Variants in MKLN1 observed in about 807,000 individuals in gnomAD.
The protein encoded by MKLN1 is muskelin.
MKLN1 carries 18 observed loss-of-function variants against 99.0 expected under a neutral mutation model. The ratio of observed to expected loss-of-function variants is 0.18; its 90% CI spans 0.13 to 0.27. The LOEUF (loss-of-function observed/expected upper bound fraction) is 0.27, where lower values mean the gene tolerates loss of function less well. Among genes scored for constraint, MKLN1 ranks in the 10% least tolerant of loss-of-function variants. The pLI is 1.00. For missense variants in MKLN1, 621 were observed against 875.9 expected, an observed-to-expected ratio of 0.71 and a Z score of 3.67; for synonymous variants, 288 against 293.2, an observed-to-expected ratio of 0.98 and a Z score of 0.18.
At chr7:131,445,201 T>C (rs1448911815) in intron 11 of MKLN1, among the ~76,000 whole-genome samples, 1 of 151,648 alleles carries the variant, frequency 6.6e-6, no homozygotes, top group Non-Finnish European at 1.5e-5. Context: ...ATTTGTTGGA[T>C]TTTTTTTGCC....
intron 2 of MKLN1, among the ~76,000 whole-genome samples, chr7:131,173,140 AAC>A (rs56672099): frequency 0.2 from 29,708 of 149,922 alleles, 3,256 homozygotes; most frequent in East Asian, 0.44. Flanking sequence ...TGTATATACA[AAC>A]ACACACACAC....
intron 16 of MKLN1, among the ~76,000 whole-genome samples, chr7:131,475,393 A>G (rs6954916): frequency 0.15 from 22,767 of 152,206 alleles, 2,009 homozygotes; most frequent in African/African-American, 0.23. Context: ...TAGGCCCATA[A>G]TAGCAGTAAA....
chr7:131,187,637 G>A (rs1232631250), intron 2 of MKLN1, among the ~76,000 whole-genome samples: 2 of 152,152 alleles, frequency 1.3e-5, no homozygotes, highest in Non-Finnish European at 2.9e-5. Context: ...GAAAGTGTTT[G>A]CCAATCCTAG....
intron 6 of MKLN1, among the ~76,000 whole-genome samples, chr7:131,407,318 C>CT (rs953356077): frequency 3.3e-5 from 5 of 151,684 alleles, no homozygotes; most frequent in Non-Finnish European, 1.5e-5. Context: ...GAGAGAGTTG[C>CT]TTTTTTTTAT....
rs552997536 is a variant in MKLN1 at position 131,139,197 on chromosome 7, A to G, written c.-418-3623A>G. ...TGTGGATATCAGAAATTTCATGGGA[A>G]GGTCTGAGGTCTGAAACAGTACCCT... On this transcript the variant is annotated intron_variant, in intron 1 of 7. Coordinates refer to the MKLN1 transcript ENST00000416992. Among the ~76,000 whole-genome samples the G allele has an allele frequency of 6.6e-5, 10 of 152,254 alleles. No individual in the cohort carries two copies. The East Asian group carries it at 1.7e-3, about 26-fold the overall frequency.
At chr7:131,205,436 T>C (rs1490185765) in intron 3 of MKLN1, among the ~76,000 whole-genome samples, 1 of 152,238 alleles carries the variant, frequency 6.6e-6, no homozygotes, top group East Asian at 1.9e-4. Context: ...TTTGGTGATA[T>C]GAAAACTGAA....
chr7:131,164,194 C>T (rs944285324), intron 2 of MKLN1, among the ~76,000 whole-genome samples: 2 of 152,140 alleles, frequency 1.3e-5, no homozygotes, highest in Non-Finnish European at 2.9e-5. Flanking sequence ...TCACTGCAAC[C>T]TCTGCTCCTT....
rs1797450743 is a variant in MKLN1, at chr7:131,492,514, T to C, written c.*4786T>C. ...TGGGAGGCTGACACGGGAAGATTGC[T>C]TGAGCCCAGGAATTTCAGACCAGCC... On this transcript the variant is annotated 3_prime_UTR_variant, in exon 18 of 18. Transcript: ENST00000352689. 1 of 152,174 alleles carries C rather than the reference T, an allele frequency of 6.6e-6. No individual in the cohort carries two copies. The highest frequency in any genetic ancestry group is 2.4e-5 in the African/African-American group (1 of 41,430). 9.4% of individuals were successfully genotyped at this position (152,174 alleles called of 1,614,324 possible). A position where few individuals can be genotyped will look rare whatever the true frequency, so the allele number is the denominator to read the frequency against.
At position 131,192,118 on chromosome 7, in the gene MKLN1, TAC is replaced by T. The variant is rs1415906659; in HGVS notation, c.-296-10738_-296-10737del. ...TATATGTATATATATATTATATATA[TAC>T]GTATATATATAAAAATATATATACG... On this transcript the variant is annotated intron_variant, in intron 2 of 7. Coordinates refer to the MKLN1 transcript ENST00000416992. Among the ~76,000 whole-genome samples, 242 of 84,582 alleles carry T rather than the reference TAC, an allele frequency of 2.9e-3. 19 individuals are homozygous for T. The highest frequency in any genetic ancestry group is 4.3e-3 in the African/African-American group (84 of 19,640). The allele number at this position is 84,582 out of a possible 152,430, so 55.5% of individuals were successfully genotyped here.
At chr7:131,173,168 T>G (rs1796241808) in intron 2 of MKLN1, among the ~76,000 whole-genome samples, 1 of 133,812 alleles carries the variant, frequency 7.5e-6, no homozygotes, top group Non-Finnish European at 1.6e-5. Flanking sequence ...CACACACACA[T>G]TCATACAACA....
intron 3 of MKLN1, among the ~76,000 whole-genome samples, chr7:131,299,403 A>G (rs1297337355): frequency 6.6e-6 from 1 of 152,236 alleles, no homozygotes; most frequent in South Asian, 2.1e-4. Flanking sequence ...ACAGGAAATT[A>G]TAAGAAAAAT....
intron 6 of MKLN1, among the ~76,000 whole-genome samples, chr7:131,406,125 A>G (rs1794699171): frequency 6.6e-6 from 1 of 151,978 alleles, no homozygotes. Context: ...TTTTGAATTA[A>G]ATCTTTTATT....
intron 1 of MKLN1, among the ~76,000 whole-genome samples, chr7:131,358,999 T>C (rs1426262079): frequency 6.6e-6 from 1 of 152,128 alleles, no homozygotes; most frequent in East Asian, 1.9e-4. Context: ...ACGCATTTCC[T>C]GTTTTCAGTT....
intron 3 of MKLN1, among the ~76,000 whole-genome samples, chr7:131,227,535 T>TTCTTTCTTTCTTTCTTTCTC (rs1191244680): frequency 2.1e-5 from 3 of 145,770 alleles, no homozygotes; most frequent in East Asian, 4.0e-4. Context: ...CTTTCTTTCT[T>TTCTTTCTTTCTTTCTTTCTC]TCTCTCTTTC....
rs1797480625 is a variant in MKLN1 at position 131,493,666 on chromosome 7, G to T, written c.*5938G>T. The T allele has an allele frequency of 6.6e-6, 1 of 152,158 alleles. No individual in the cohort carries two copies. The highest frequency in any genetic ancestry group is 6.5e-5 in the Admixed American group (1 of 15,268). 9.4% of individuals were successfully genotyped at this position (152,158 alleles called of 1,614,324 possible). A position where few individuals can be genotyped will look rare whatever the true frequency, so the allele number is the denominator to read the frequency against. On this transcript the variant is annotated 3_prime_UTR_variant, in exon 18 of 18. Coordinates refer to ENST00000352689, the MANE Select transcript of MKLN1 (RefSeq NM_013255.5). ...GCTTCTTACATACAACCAGTTCCTT[G>T]TTAAGGATCCAGCAGGAAAACCAGC...
At chr7:131,389,605 G>A (rs908864117) in intron 4 of MKLN1, among the ~76,000 whole-genome samples, 34 of 152,086 alleles carry the variant, frequency 2.2e-4, no homozygotes, top group African/African-American at 7.2e-4. Context: ...TATTTATAAT[G>A]CATCCTCAAA....
chr7:131,114,337 T>C (rs2082047224), intron 1 of MKLN1, among the ~76,000 whole-genome samples: 1 of 152,104 alleles, frequency 6.6e-6, no homozygotes, highest in African/African-American at 2.4e-5. Context: ...GAAGTGTCCA[T>C]AGAATATCAA....
chr7:131,472,613 T>C (rs971380325), intron 16 of MKLN1, among the ~76,000 whole-genome samples: 2 of 152,028 alleles, frequency 1.3e-5, no homozygotes, highest in Non-Finnish European at 2.9e-5. Flanking sequence ...TGTGTGTGTG[T>C]GTGTGTGTGT....
At chr7:131,279,570 G>A (rs1439407572) in intron 3 of MKLN1, among the ~76,000 whole-genome samples, 1 of 152,186 alleles carries the variant, frequency 6.6e-6, no homozygotes, top group African/African-American at 2.4e-5. Context: ...CACTTTGGGA[G>A]GCTGAGTCAG....
Sources: allele counts gnomAD v4.1 joint callset (sites outside exome capture counted in the v4.1 genomes callset), GRCh38; gene constraint gnomAD v4.1.1; transcripts MANE v1.5; gene names NCBI Gene and HGNC (gene_info 2026-07-23, HGNC 2026-07-21).